PBX1: variants seen among roughly 807,000 people sequenced by gnomAD.
PBX1 encodes the protein pre-B-cell leukemia transcription factor 1.
Under a neutral mutation model 53.4 loss-of-function variants are expected in PBX1, and 6 were observed. That is an observed-to-expected ratio of 0.11 (90% CI 0.06 to 0.22). The LOEUF (loss-of-function observed/expected upper bound fraction) is 0.22. PBX1 is among the 10% of genes least tolerant of loss of function. PBX1 has a pLI of 1.00. For missense variants in PBX1, 251 were observed against 551.4 expected, an observed-to-expected ratio of 0.46 and a Z score of 5.46; for synonymous variants, 204 against 212.3, an observed-to-expected ratio of 0.96 and a Z score of 0.34.
chr1:164,578,729 A>G (rs1161504518), intron 2 of PBX1, among the ~76,000 whole-genome samples: 1 of 152,132 alleles, frequency 6.6e-6, no homozygotes, highest in Admixed American at 6.5e-5. Flanking sequence ...ACCAAAGTTC[A>G]TTGCTGCCCT....
chr1:164,769,576 T>C (rs543039200), intron 2 of PBX1, among the ~76,000 whole-genome samples: 1 of 152,144 alleles, frequency 6.6e-6, no homozygotes, highest in Non-Finnish European at 1.5e-5. Context: ...GTGTGTGCTG[T>C]ACAAATGGGA....
intron 2 of PBX1, among the ~76,000 whole-genome samples, chr1:164,635,839 C>G (rs1658736922): frequency 6.6e-6 from 1 of 152,236 alleles, no homozygotes; most frequent in Non-Finnish European, 1.5e-5. Flanking sequence ...CGTTAGGATG[C>G]AGCTTCAAAT....
At chr1:164,560,738 T>TTA (rs1270505256) in intron 1 of PBX1, among the ~76,000 whole-genome samples, 1 of 152,190 alleles carries the variant, frequency 6.6e-6, no homozygotes, top group African/African-American at 2.4e-5. Flanking sequence ...TTAACTTTAT[T>TTA]GTCTCCTAAT....
chr1:164,662,312 C>CT (rs1251008512), intron 2 of PBX1, among the ~76,000 whole-genome samples: 2 of 152,118 alleles, frequency 1.3e-5, no homozygotes, highest in Non-Finnish European at 2.9e-5. Flanking sequence ...GGCAACAGAT[C>CT]AAGACTCTGT....
intron 2 of PBX1, among the ~76,000 whole-genome samples, chr1:164,773,260 C>CACACACACACACACACACACAT (rs1667473813): frequency 6.6e-6 from 1 of 151,790 alleles, no homozygotes; most frequent in African/African-American, 2.4e-5. Context: ...CACACACACA[C>CACACACACACACACACACACAT]ACACACACAC....
At chr1:164,679,539 C>T (rs928782950) in intron 2 of PBX1, among the ~76,000 whole-genome samples, 1 of 152,144 alleles carries the variant, frequency 6.6e-6, no homozygotes, top group Admixed American at 6.5e-5. Flanking sequence ...TTTCGTTTGA[C>T]CTTTTTATTT....
At chr1:164,702,229 T>G (rs1167637264) in intron 2 of PBX1, among the ~76,000 whole-genome samples, 7 of 152,162 alleles carry the variant, frequency 4.6e-5, no homozygotes, top group Non-Finnish European at 5.9e-5. Context: ...TTAAAATGTT[T>G]GTTGCCTGAA....
At chr1:164,582,983 T>C (rs1654720679) in intron 2 of PBX1, among the ~76,000 whole-genome samples, 1 of 152,240 alleles carries the variant, frequency 6.6e-6, no homozygotes, top group Non-Finnish European at 1.5e-5. Context: ...AACACTGTTT[T>C]ATCTGCTTAT....
chr1:164,733,459 G>C (rs933552924), intron 2 of PBX1, among the ~76,000 whole-genome samples: 2 of 152,082 alleles, frequency 1.3e-5, no homozygotes, highest in Admixed American at 1.3e-4. Flanking sequence ...TTTATCTGCT[G>C]GGTATGAGAC....
chr1:164,663,139 T>A (rs1366510842), intron 2 of PBX1, among the ~76,000 whole-genome samples: 2 of 152,070 alleles, frequency 1.3e-5, no homozygotes, highest in African/African-American at 4.8e-5. Flanking sequence ...CGTGCCTACC[T>A]TTCTGCCTGC....
At chr1:164,762,936 G>A (rs1666882975) in intron 2 of PBX1, among the ~76,000 whole-genome samples, 1 of 152,100 alleles carries the variant, frequency 6.6e-6, no homozygotes, top group South Asian at 2.1e-4. Flanking sequence ...AAAAATAATA[G>A]CAGCTGTACT....
chr1:164,588,027 G>C (rs1655073566), intron 2 of PBX1, among the ~76,000 whole-genome samples: 1 of 152,186 alleles, frequency 6.6e-6, no homozygotes, highest in African/African-American at 2.4e-5. Context: ...TTTTGGAAGT[G>C]AAATCCAGAG....
chr1:164,574,513 A>C (rs1654086790), intron 2 of PBX1, among the ~76,000 whole-genome samples: 1 of 152,180 alleles, frequency 6.6e-6, no homozygotes, highest in Non-Finnish European at 1.5e-5. Context: ...CAGGTGGAAC[A>C]TTTATAAAAG....
rs372590030 is a variant in PBX1, at chr1:164,732,299, A to T, written c.266-60195A>T. Reference sequence around the variant, plus strand: ...ACTCATACTGCGTGTACCTAATTCTACAAATATGAGGATTAGTGCCACCCC... The same window carrying T: ...ACTCATACTGCGTGTACCTAATTCTTCAAATATGAGGATTAGTGCCACCCC... On this transcript the variant is annotated intron_variant, in intron 2 of 8. Transcript: ENST00000420696. Among the ~76,000 whole-genome samples the T allele has an allele frequency of 8.3e-4, 127 of 152,308 alleles. 1 individual carries two copies. The highest frequency in any genetic ancestry group is 2.9e-3 in the African/African-American group (122 of 41,580).
intron 2 of PBX1, among the ~76,000 whole-genome samples, chr1:164,628,425 C>T (rs1376430135): frequency 6.6e-6 from 1 of 152,116 alleles, no homozygotes; most frequent in African/African-American, 2.4e-5. Context: ...GCATTTAATC[C>T]AACTGTGAAA....
chr1:164,733,899 A>G (rs1197923104), intron 2 of PBX1, among the ~76,000 whole-genome samples: 1 of 152,236 alleles, frequency 6.6e-6, no homozygotes, highest in African/African-American at 2.4e-5. Context: ...TGTTTTTTAA[A>G]CAGACCCTTT....
At chr1:164,806,926 C>G (rs1245268823) in intron 4 of PBX1, among the ~76,000 whole-genome samples, 1 of 152,140 alleles carries the variant, frequency 6.6e-6, no homozygotes, top group Admixed American at 6.5e-5. Flanking sequence ...AGAAGCTGAT[C>G]GAAATCACCC....
chr1:164,739,754 T>TGC (rs560298859), intron 2 of PBX1, among the ~76,000 whole-genome samples: 8,381 of 61,398 alleles, frequency 0.14, 310 homozygotes, highest in South Asian at 0.35. Flanking sequence ...TGGTTGTGCA[T>TGC]GTGTGTGTGT....
At chr1:164,678,542 A>G (rs767472241) in intron 2 of PBX1, among the ~76,000 whole-genome samples, 2 of 152,190 alleles carry the variant, frequency 1.3e-5, no homozygotes, top group Non-Finnish European at 2.9e-5. Context: ...GCTGGTAACC[A>G]AGGCCTGAGT....
Sources: gnomAD v4.1 joint callset for allele counts (sites outside exome capture counted in the v4.1 genomes callset) on GRCh38, gnomAD v4.1.1 for gene constraint, MANE v1.5 for transcripts, NCBI Gene and HGNC (gene_info 2026-07-23, HGNC 2026-07-21) for gene names.